Variants in DNAH11 observed in about 807,000 individuals in gnomAD.
DNAH11 encodes axonemal beta dynein heavy chain 11.
Under a neutral mutation model 526.0 loss-of-function variants are expected in DNAH11, and 442 were observed. The observed-to-expected ratio is 0.84, with a 90% CI of 0.78 to 0.91. DNAH11 has a LOEUF of 0.91. Ranked by LOEUF, DNAH11 falls within the 40% of genes least tolerant of loss-of-function variation. DNAH11 has a pLI of 0.00. For synonymous variants in DNAH11, 2,461 were observed against 1,935.9 expected (o/e 1.27, Z -7.12); for missense variants, 6,989 against 5,448.7 (o/e 1.28, Z -8.90).
intron 6 of DNAH11, among the ~76,000 whole-genome samples, chr7:21,566,575 A>C (rs1029449842): frequency 5.3e-5 from 8 of 149,736 alleles, no homozygotes; most frequent in Non-Finnish European, 8.9e-5. Context: ...ACTATGACGT[A>C]GGTATTATTA....
chr7:21,687,515 A>G lies in DNAH11; in HGVS notation c.5912A>G (p.Asn1971Ser), dbSNP rs1783431754. 3 of 1,613,450 alleles carry G rather than the reference A, an allele frequency of 1.9e-6. No homozygotes were observed. The highest frequency in any genetic ancestry group is 2.5e-6 in the Non-Finnish European group (3 of 1,179,682). ...QVKMIHDAIR[N>S]RKKRFVFLGE... ...AAAATGATTCATGATGCCATCAGAAACAGGAAGAAGAGGTGAGTGGCATGC... is the reference window on the plus strand; with the variant it reads ...AAAATGATTCATGATGCCATCAGAAGCAGGAAGAAGAGGTGAGTGGCATGC... The change falls in exon 34 of 82, where the codon AAC becomes AGC. Residue 1971 changes from asparagine to serine, a missense_variant. By Grantham distance (46) the Asn-to-Ser change is conservative. Coordinates refer to ENST00000409508, the MANE Select transcript of DNAH11 (RefSeq NM_001277115.2).
Position 21,687,470 on chromosome 7 carries a change from CAGT to C in DNAH11, c.5868_5870del (p.Val1958del). The stretch of plus-strand genomic sequence containing the variant: ...AACCGAATCTCTGTGGAAGTTCTGT[CAGT>C]GGTGGCAGTACAAGTGAAAATGATT... On this transcript the variant is annotated inframe_deletion, in exon 34 of 82. Transcript: ENST00000409508. The C allele has an allele frequency of 6.2e-7, 1 of 1,613,836 alleles. No homozygotes were observed. The highest frequency in any genetic ancestry group is 8.5e-7 in the Non-Finnish European group (1 of 1,179,904).
chr7:21,572,804 C>G (rs551333506), intron 8 of DNAH11, among the ~76,000 whole-genome samples: 242 of 152,256 alleles, frequency 1.6e-3, no homozygotes, highest in Non-Finnish European at 2.8e-3. Flanking sequence ...TAGAAGGACA[C>G]TGCTGTAATA....
intron 65 of DNAH11, among the ~76,000 whole-genome samples, chr7:21,827,257 C>G (rs1790342327): frequency 6.6e-6 from 1 of 152,118 alleles, no homozygotes; most frequent in Non-Finnish European, 1.5e-5. Flanking sequence ...TTAAATAAAA[C>G]ATATTTTATA....
chr7:21,678,808 A>G (rs1231488115), intron 30 of DNAH11, among the ~76,000 whole-genome samples: 3 of 152,180 alleles, frequency 2.0e-5, no homozygotes, highest in Non-Finnish European at 2.9e-5. Context: ...GCCATTATGG[A>G]AAACATTATG....
At chr7:21,573,620 T>A (rs1783977336) in intron 8 of DNAH11, among the ~76,000 whole-genome samples, 1 of 152,228 alleles carries the variant, frequency 6.6e-6, no homozygotes, top group African/African-American at 2.4e-5. Context: ...TTCCTTGTAC[T>A]TTGACTTCAT....
intron 22 of DNAH11, among the ~76,000 whole-genome samples, chr7:21,616,545 C>G (rs577617974): frequency 6.6e-6 from 1 of 152,270 alleles, no homozygotes; most frequent in East Asian, 1.9e-4. Context: ...GAGCTTCCTA[C>G]AGCTTCCTAG....
Position 21,600,183 on chromosome 7 carries a change from A to G in DNAH11, c.3000+64A>G, listed in dbSNP as rs6461585. On this transcript the variant is annotated intron_variant, in intron 15 of 81. Coordinates refer to ENST00000409508, the MANE Select transcript of DNAH11 (RefSeq NM_001277115.2). ...ATGATTCAAAAACAAATTGTGGCTG[A>G]GTATGGTAGCTCATGCTGGGAATCC... 0.16 allele frequency: 228,284 copies of G among 1,390,954 alleles called. 20,754 individuals are homozygous for G. The highest frequency in any genetic ancestry group is 0.34 in the African/African-American group (23,561 of 69,046). 86.2% of individuals were successfully genotyped at this position (1,390,954 alleles called of 1,614,324 possible). A position where few individuals can be genotyped will look rare whatever the true frequency, so the allele number is the denominator to read the frequency against.
intron 5 of DNAH11, among the ~76,000 whole-genome samples, chr7:21,562,909 C>G (rs1783524300): frequency 1.3e-5 from 2 of 152,266 alleles, no homozygotes; most frequent in East Asian, 3.9e-4. Flanking sequence ...TCCTTGACTC[C>G]TGGTGACAAA....
intron 69 of DNAH11, among the ~76,000 whole-genome samples, chr7:21,863,647 A>G (rs1398498057): frequency 6.6e-6 from 1 of 152,200 alleles, no homozygotes; most frequent in African/African-American, 2.4e-5. Context: ...TAATAGAAAA[A>G]GACCAGGGAT....
chr7:21,757,807 A>G (rs1169111472), intron 54 of DNAH11, among the ~76,000 whole-genome samples: 2 of 152,356 alleles, frequency 1.3e-5, no homozygotes, highest in South Asian at 2.1e-4. Context: ...TAACAGACAC[A>G]CACATGACAT....
chr7:21,625,889 T>G lies in DNAH11; in HGVS notation c.4500+5811T>G, dbSNP rs147031665. Among the ~76,000 whole-genome samples, 851 of 152,262 alleles carry G rather than the reference T, an allele frequency of 5.6e-3. 10 individuals are homozygous for G. The highest frequency in any genetic ancestry group is 0.02 in the African/African-American group (812 of 41,568). ...GATGTTATTTTTGATCTTCTTAAGT[T>G]TTTAGCTAAGATTATCTGGCAGACT... On this transcript the variant is annotated intron_variant, in intron 25 of 81. Transcript: ENST00000409508.
intron 66 of DNAH11, among the ~76,000 whole-genome samples, chr7:21,843,281 C>G (rs986928962): frequency 6.6e-6 from 1 of 151,954 alleles, no homozygotes; most frequent in Non-Finnish European, 1.5e-5. Flanking sequence ...TCAGAAAATA[C>G]TGACATAGAA....
intron 20 of DNAH11, among the ~76,000 whole-genome samples, chr7:21,612,697 G>C (rs1388456026): frequency 1.3e-5 from 2 of 151,968 alleles, no homozygotes; most frequent in Non-Finnish European, 2.9e-5. Flanking sequence ...ACTTTGTGAA[G>C]CATGTCTGAT....
At chr7:21,564,441 G>C in intron 6 of DNAH11, 44 bp downstream of exon 6, 1 of 1,483,160 alleles carries the variant, frequency 6.7e-7, no homozygotes, top group South Asian at 1.2e-5. Flanking sequence ...TTGTTGCTGT[G>C]AGGTAGGTTT....
chr7:21,547,613 A>T (rs1433165727), intron 2 of DNAH11, among the ~76,000 whole-genome samples: 1 of 152,106 alleles, frequency 6.6e-6, no homozygotes, highest in Non-Finnish European at 1.5e-5. Context: ...TGATTTCCCA[A>T]TAACGAAACT....
At chr7:21,549,774 T>A (rs1399982529) in intron 2 of DNAH11, among the ~76,000 whole-genome samples, 2 of 152,208 alleles carry the variant, frequency 1.3e-5, no homozygotes, top group Non-Finnish European at 2.9e-5. Context: ...TAGTCCACCA[T>A]ATAGTATCCC....
intron 2 of DNAH11, among the ~76,000 whole-genome samples, chr7:21,554,339 A>G (rs1026439200): frequency 2.6e-5 from 4 of 151,748 alleles, no homozygotes; most frequent in Non-Finnish European, 4.4e-5. Flanking sequence ...ATGCCCAGCT[A>G]ATTTTTGTAT....
rs527744099 is a variant in DNAH11, at chr7:21,626,572, A to T, written c.4500+6494A>T. Among the ~76,000 whole-genome samples, 38 of 152,258 alleles carry T rather than the reference A, an allele frequency of 2.5e-4. No homozygotes were observed. In the South Asian group the frequency reaches 6.2e-3, roughly 25 times the overall value. ...TAATTTACATTTCTACCAACAGTGT[A>T]CAAGTGTTCCCCTTTCTCCACATCC... is the stretch of plus-strand genomic sequence containing the variant. On this transcript the variant is annotated intron_variant, in intron 25 of 81. Transcript: ENST00000409508.
Sources: allele counts gnomAD v4.1 joint callset (sites outside exome capture counted in the v4.1 genomes callset), GRCh38; gene constraint gnomAD v4.1.1; transcripts MANE v1.5; gene names NCBI Gene and HGNC (gene_info 2026-07-23, HGNC 2026-07-21).